Variants in KEAP1 observed in about 807,000 individuals in gnomAD.
The protein encoded by KEAP1 is kelch like ECH associated protein 1.
KEAP1 carries 26 observed loss-of-function variants against 59.7 expected under a neutral mutation model. That is an observed-to-expected ratio of 0.44 (90% CI 0.32 to 0.60). The LOEUF (loss-of-function observed/expected upper bound fraction) is 0.60. Among genes scored for constraint, KEAP1 ranks in the 20% least tolerant of loss-of-function variants. KEAP1 has a pLI of 0.06. For synonymous variants in KEAP1, 350 were observed against 358.3 expected (o/e 0.98, Z 0.26); for missense variants, 539 against 871.4 (o/e 0.62, Z 4.80).
intron 2 of KEAP1, 128 bp from the exon 3 acceptor site, chr19:10,492,390 C>T (rs1050550163): frequency 1.4e-6 from 1 of 695,878 alleles, no homozygotes; most frequent in African/African-American, 1.8e-5. Flanking sequence ...AATGGGGATT[C>T]AAATAATAGG....
intron 2 of KEAP1, among the ~76,000 whole-genome samples, chr19:10,496,032 T>C (rs566770901): frequency 2.0e-5 from 3 of 150,268 alleles, no homozygotes; most frequent in Middle Eastern, 3.2e-3. Context: ...CAAGAAAAGA[T>C]ATAAAAATTA....
intron 5 of KEAP1, among the ~76,000 whole-genome samples, chr19:10,487,718 G>A (rs1305687440): frequency 2.0e-5 from 3 of 151,632 alleles, no homozygotes; most frequent in South Asian, 2.1e-4. Flanking sequence ...AATAAAGGCC[G>A]GGCACAGTGG....
At position 10,502,605 on chromosome 19, in the gene KEAP1, C is replaced by G. The variant is rs2144637971; in HGVS notation, c.-48+636G>C. On this transcript the variant is annotated intron_variant, in intron 1 of 5. Coordinates refer to ENST00000171111, the MANE Select transcript of KEAP1 (RefSeq NM_203500.2). The surrounding 1 kb of genome is among the most constrained non-coding windows in gnomAD (Gnocchi z 4.0). ...CGGGGAACTCGGAGGCGCCCTGGGCCGTGGCGCCCGTTTTCCTGGTCTCCG... is the reference window on the plus strand; with the variant it reads ...CGGGGAACTCGGAGGCGCCCTGGGCGGTGGCGCCCGTTTTCCTGGTCTCCG... 1 of 152,282 alleles carries G rather than the reference C, an allele frequency of 6.6e-6. No individual in the cohort carries two copies. Among genetic ancestry groups the G allele is most frequent in the African/African-American group, 2.4e-5 (1 of 41,570 alleles). The allele number at this position is 152,282 out of a possible 1,614,324, so 9.4% of individuals were successfully genotyped here.
intron 2 of KEAP1, among the ~76,000 whole-genome samples, chr19:10,496,832 C>T (rs1429065885): frequency 1.4e-5 from 2 of 145,678 alleles, no homozygotes; most frequent in Non-Finnish European, 3.0e-5. Context: ...CGGTGGGGGG[C>T]GGGCGTGGGC....
chr19:10,493,217 G>T (rs1391003395), intron 2 of KEAP1, among the ~76,000 whole-genome samples: 1 of 151,184 alleles, frequency 6.6e-6, no homozygotes, highest in African/African-American at 2.4e-5. Context: ...GGAGTGCAGT[G>T]GAGCGATCTC....
rs1914600822 is a variant in KEAP1 at position 10,489,671 on chromosome 19, A to G, written c.1508T>C (p.Met503Thr). ...ERNEWRMITA[M>T]NTIRSGAGVC... ...ACCTGCCCCGCTTCGGATGGTGTTC[A>G]TTGCTGTGATCATTCGCCACTCGTT... is the stretch of plus-strand genomic sequence containing the variant. The change falls in exon 4 of 6, where the codon ATG (methionine) becomes ACG (threonine). Residue 503 changes from methionine to threonine, a missense_variant. Coordinates refer to ENST00000171111, the MANE Select transcript of KEAP1 (RefSeq NM_203500.2). 1.9e-6 allele frequency: 3 copies of G among 1,613,774 alleles called. No homozygotes were observed. In the East Asian group the frequency reaches 6.7e-5, roughly 36 times the overall value.
chr19:10,493,365 T>C (rs1040671901), intron 2 of KEAP1, among the ~76,000 whole-genome samples: 2 of 151,784 alleles, frequency 1.3e-5, no homozygotes, highest in African/African-American at 4.8e-5. Context: ...GGTTTCACCG[T>C]GTTAGCCAGG....
In KEAP1 at chr19:10,503,057, G is replaced by A. The variant is rs1479832600; in HGVS notation, c.-48+184C>T. On this transcript the variant is annotated intron_variant, in intron 1 of 5. Transcript: ENST00000171111. The surrounding 1 kb of genome is among the most constrained non-coding windows in gnomAD (Gnocchi z 4.3). ...CCCGGCCCGCACCAGGGGTGGGGTGGACACCCCTCCCCGTCGCTGCTGCCC... is the reference window on the plus strand; with the variant it reads ...CCCGGCCCGCACCAGGGGTGGGGTGAACACCCCTCCCCGTCGCTGCTGCCC... The A allele has an allele frequency of 2.0e-5, 3 of 151,844 alleles. No homozygotes were observed. Among genetic ancestry groups the A allele is most frequent in the African/African-American group, 7.3e-5 (3 of 41,352 alleles). The allele number at this position is 151,844 out of a possible 1,614,324, so 9.4% of individuals were successfully genotyped here.
At chr19:10,487,690 A>T (rs1599480019) in intron 5 of KEAP1, among the ~76,000 whole-genome samples, 1 of 151,720 alleles carries the variant, frequency 6.6e-6, no homozygotes, top group African/African-American at 2.4e-5. Context: ...AAAAAATAAA[A>T]AAATAAAAAT....
At chr19:10,496,237 C>A (rs1480315823) in intron 2 of KEAP1, among the ~76,000 whole-genome samples, 2 of 150,384 alleles carry the variant, frequency 1.3e-5, no homozygotes, top group Admixed American at 6.7e-5. Context: ...GGCTCACACA[C>A]GTAATCCCAG....
chr19:10,494,876 G>C (rs971487637), intron 2 of KEAP1, among the ~76,000 whole-genome samples: 7 of 148,934 alleles, frequency 4.7e-5, no homozygotes, highest in African/African-American at 1.7e-4. Context: ...GGATGGTCTC[G>C]ATCTCCTGAC....
In KEAP1 at chr19:10,499,361, C is replaced by A; in HGVS notation, c.639+34G>T. ...CACTCGTCCATCCCTGGTCCTTCTC[C>A]TGACACTGCCCCCAGCCCCACTTCC... On this transcript the variant is annotated intron_variant, in intron 2 of 5. Coordinates refer to ENST00000171111, the MANE Select transcript of KEAP1 (RefSeq NM_203500.2). The surrounding 1 kb of genome is among the most constrained non-coding windows in gnomAD (Gnocchi z 6.7). The A allele has an allele frequency of 6.6e-7, 1 of 1,526,442 alleles. No individual in the cohort carries two copies. 94.6% of individuals were successfully genotyped at this position (1,526,442 alleles called of 1,614,324 possible).
intron 5 of KEAP1, among the ~76,000 whole-genome samples, chr19:10,488,913 A>G (rs1266086092): frequency 6.6e-6 from 1 of 151,690 alleles, no homozygotes. Context: ...CCTGGGCAAC[A>G]CTGTGAGACA....
In KEAP1 at chr19:10,500,036, G is replaced by T. The variant is rs768092009; in HGVS notation, c.-3C>A. ...CTAGGCCTGGGATCTGGCTGCATGG[G>T]GTTCCAGAAGATAAGCAACACCACC... On this transcript the variant is annotated 5_prime_UTR_variant, in exon 2 of 6. Transcript: ENST00000171111. 8.5e-6 allele frequency: 13 copies of T among 1,538,348 alleles called. No individual in the cohort carries two copies. The East Asian group carries it at 2.7e-4, about 32-fold the overall frequency.
chr19:10,501,638 C>CA lies in KEAP1; in HGVS notation c.-47-1559dup, dbSNP rs562641400. On this transcript the variant is annotated intron_variant, in intron 1 of 5. Coordinates refer to ENST00000171111, the MANE Select transcript of KEAP1 (RefSeq NM_203500.2). Reference sequence around the variant, plus strand: ...GAACAAGACTCCATCTCAAATAAAACAAAAAAAAGATATTCTCATACTTCG... The same window carrying CA: ...GAACAAGACTCCATCTCAAATAAAACAAAAAAAAAGATATTCTCATACTTCG... 3.0e-3 allele frequency among the ~76,000 whole-genome samples: 454 copies of CA among 151,376 alleles called. 2 individuals carry two copies. The highest frequency in any genetic ancestry group is 0.01 in the African/African-American group (414 of 41,340).
chr19:10,492,357 A>G (rs1461012361), intron 2 of KEAP1, 95 bp from the exon 3 acceptor site: 10 of 862,402 alleles, frequency 1.2e-5, no homozygotes, highest in African/African-American at 1.7e-5. Flanking sequence ...TGCCGCTGAC[A>G]GTCTCAGCTT....
At chr19:10,486,893 G>A (rs2144579595) in intron 5 of KEAP1, 75 bp from the exon 6 acceptor site, 1 of 1,493,538 alleles carries the variant, frequency 6.7e-7, no homozygotes, top group Non-Finnish European at 9.1e-7. Context: ...AGAGAGAGAT[G>A]CAGCTGTGAG....
chr19:10,493,091 G>C (rs1175494844), intron 2 of KEAP1, among the ~76,000 whole-genome samples: 1 of 151,958 alleles, frequency 6.6e-6, no homozygotes, highest in Non-Finnish European at 1.5e-5. Context: ...CGCCACCCAG[G>C]TTCAAGTGAT....
At chr19:10,490,944 C>T (rs1339223142) in intron 3 of KEAP1, 1 of 152,126 alleles carries the variant, frequency 6.6e-6, no homozygotes, top group Admixed American at 6.6e-5. Context: ...TTAGGTCCGG[C>T]ACAGTGGCTC....
Sources: gnomAD v4.1 joint callset for allele counts (sites outside exome capture counted in the v4.1 genomes callset) on GRCh38, gnomAD v4.1.1 for gene constraint, Gnocchi (gnomAD v3.1) non-coding constraint, MANE v1.5 for transcripts, NCBI Gene and HGNC (gene_info 2026-07-23, HGNC 2026-07-21) for gene names.